SGCD: variants seen among roughly 807,000 people sequenced by gnomAD.
SGCD encodes the protein sarcoglycan delta.
SGCD carries 18 observed loss-of-function variants against 36.6 expected under a neutral mutation model. That is an observed-to-expected ratio of 0.49 (90% CI 0.34 to 0.73). SGCD has a LOEUF of 0.73. Ranked by LOEUF, SGCD falls within the 30% of genes least tolerant of loss-of-function variation. The probability of loss-of-function intolerance (pLI) is 0.01; values close to 1 mark genes in which losing one functional copy is unlikely to be tolerated. For missense variants in SGCD, 387 were observed against 346.7 expected, an observed-to-expected ratio of 1.12 and a Z score of -0.92; for synonymous variants, 133 against 130.6, an observed-to-expected ratio of 1.02 and a Z score of -0.12.
chr5:156,599,340 G>A (rs1196756654), intron 6 of SGCD, among the ~76,000 whole-genome samples: 1 of 151,688 alleles, frequency 6.6e-6, no homozygotes, highest in Non-Finnish European at 1.5e-5. Context: ...ATTCAAGTAT[G>A]TTTTCTCTCT....
intron 6 of SGCD, among the ~76,000 whole-genome samples, chr5:156,637,690 A>C (rs767255120): frequency 4.6e-5 from 7 of 151,982 alleles, no homozygotes; most frequent in Non-Finnish European, 4.4e-5. Context: ...TTTCTTGGCC[A>C]GGGGAAAGGG....
chr5:155,945,394 A>G (rs1419796081), intron 1 of SGCD, among the ~76,000 whole-genome samples: 1 of 152,200 alleles, frequency 6.6e-6, no homozygotes, highest in Non-Finnish European at 1.5e-5. Flanking sequence ...GTTACTGGGA[A>G]AACAGTGGTA....
intron 1 of SGCD, among the ~76,000 whole-genome samples, chr5:156,003,920 C>T (rs1332945314): frequency 2.0e-5 from 3 of 152,146 alleles, no homozygotes; most frequent in Non-Finnish European, 2.9e-5. Flanking sequence ...CAGATCAAAG[C>T]ATCAGGGCTC....
chr5:156,656,159 T>C (rs1474390743), intron 7 of SGCD, among the ~76,000 whole-genome samples: 3 of 152,176 alleles, frequency 2.0e-5, no homozygotes, highest in Non-Finnish European at 4.4e-5. Flanking sequence ...GAATTCTTCA[T>C]GTTCACAGTC....
At chr5:156,060,694 G>T (rs961545601) in intron 1 of SGCD, among the ~76,000 whole-genome samples, 2 of 145,816 alleles carry the variant, frequency 1.4e-5, no homozygotes, top group Non-Finnish European at 3.1e-5. Flanking sequence ...AATTTGGGTG[G>T]ATTCAAGTTT....
In SGCD at chr5:156,525,430, T is replaced by G. The variant is rs141399502; in HGVS notation, c.294+16728T>G. On this transcript the variant is annotated intron_variant, in intron 4 of 8. Transcript: ENST00000337851. Reference sequence around the variant, plus strand: ...GTTTTAAATTTGGGTTATTTAGTTTTATGCTCTTGAGTTGCATGAGTTCTT... The same window carrying G: ...GTTTTAAATTTGGGTTATTTAGTTTGATGCTCTTGAGTTGCATGAGTTCTT... Among the ~76,000 whole-genome samples, 37 of 152,278 alleles carry G rather than the reference T, an allele frequency of 2.4e-4. No individual in the cohort carries two copies. The East Asian group carries it at 6.9e-3, about 29-fold the overall frequency.
At chr5:156,630,496 T>A (rs1458878978) in intron 6 of SGCD, among the ~76,000 whole-genome samples, 3 of 152,252 alleles carry the variant, frequency 2.0e-5, no homozygotes, top group Non-Finnish European at 4.4e-5. Flanking sequence ...CTAAGTGCTT[T>A]GCCTGTAATA....
chr5:156,040,759 T>A (rs1759614235), intron 1 of SGCD, among the ~76,000 whole-genome samples: 2 of 152,168 alleles, frequency 1.3e-5, no homozygotes, highest in Admixed American at 1.3e-4. Flanking sequence ...ACATTTTTCA[T>A]TATCTCTTAT....
the SGCD span, among the ~76,000 whole-genome samples, chr5:155,768,473 A>T: frequency 6.6e-6 from 1 of 152,124 alleles, no homozygotes; most frequent in East Asian, 1.9e-4. Context: ...CTGACTGGGA[A>T]ATGCGTAAAT....
At chr5:156,476,981 A>C (rs531815757) in intron 3 of SGCD, among the ~76,000 whole-genome samples, 1 of 151,948 alleles carries the variant, frequency 6.6e-6, no homozygotes, top group Non-Finnish European at 1.5e-5. Flanking sequence ...GGAACTCACA[A>C]TATCCTTGAA....
intron 4 of SGCD, among the ~76,000 whole-genome samples, chr5:156,570,134 C>T (rs1041230990): frequency 3.3e-5 from 5 of 152,054 alleles, no homozygotes; most frequent in Non-Finnish European, 7.4e-5. Context: ...TTTACATTTC[C>T]AAGATATGTT....
chr5:156,653,713 A>AT (rs1561839728), intron 7 of SGCD, among the ~76,000 whole-genome samples: 1 of 151,916 alleles, frequency 6.6e-6, no homozygotes, highest in African/African-American at 2.4e-5. Context: ...ATGGTGCCAC[A>AT]TATTACTCCA....
intron 1 of SGCD, among the ~76,000 whole-genome samples, chr5:155,933,479 C>A (rs1030388474): frequency 2.6e-5 from 4 of 152,162 alleles, no homozygotes; most frequent in Non-Finnish European, 4.4e-5. Flanking sequence ...TCTTTCTTCA[C>A]CATTTCTACA....
Position 156,406,819 on chromosome 5 carries a change from TACACACAC to T in SGCD, c.192+62158_192+62165del, listed in dbSNP as rs58920671. ...ATATATATATATATATATATATATA[TACACACAC>T]ACACACACACACACATATATATGTG... On this transcript the variant is annotated intron_variant, in intron 3 of 8. Coordinates refer to ENST00000337851, the MANE Select transcript of SGCD (RefSeq NM_000337.6). Among the ~76,000 whole-genome samples, 256 of 103,696 alleles carry T rather than the reference TACACACAC, an allele frequency of 2.5e-3. 5 individuals are homozygous for T. Among genetic ancestry groups the T allele is most frequent in the East Asian group, 0.01 (29 of 2,856 alleles). The allele number at this position is 103,696 out of a possible 152,430, so 68.0% of individuals were successfully genotyped here.
Position 156,237,014 on chromosome 5 carries a change from T to C in SGCD, c.-43-92520T>C, listed in dbSNP as rs1312066833. Among the ~76,000 whole-genome samples the C allele has an allele frequency of 2.0e-5, 3 of 151,622 alleles. No homozygotes were observed. The East Asian group carries it at 5.9e-4, about 30-fold the overall frequency. On this transcript the variant is annotated intron_variant, in intron 3 of 9. Transcript: ENST00000517913. ...ATGCCGGACTAACTTTTTGTACTTT[T>C]AATAGAGATGGAGTTTCACCATGTT...
At chr5:155,883,922 CA>C (rs1440061266) in intron 1 of SGCD, among the ~76,000 whole-genome samples, 13 of 151,534 alleles carry the variant, frequency 8.6e-5, no homozygotes, top group Non-Finnish European at 1.9e-4. Flanking sequence ...CAAAATCCTA[CA>C]GGGTAGTTAT....
At chr5:156,135,509 A>G (rs1762435928) in intron 3 of SGCD, among the ~76,000 whole-genome samples, 1 of 152,160 alleles carries the variant, frequency 6.6e-6, no homozygotes, top group South Asian at 2.1e-4. Context: ...ATCACTCCAG[A>G]CAGTACTTGA....
chr5:156,474,611 G>T (rs1755104880), intron 3 of SGCD, among the ~76,000 whole-genome samples: 1 of 152,210 alleles, frequency 6.6e-6, no homozygotes, highest in African/African-American at 2.4e-5. Flanking sequence ...AGCCAGCTGG[G>T]TTTGAAAGGA....
intron 4 of SGCD, among the ~76,000 whole-genome samples, chr5:156,525,555 T>C (rs1344487767): frequency 6.6e-6 from 1 of 151,818 alleles, no homozygotes; most frequent in East Asian, 1.9e-4. Context: ...TTTTTTTTTA[T>C]TGTATGGAAA....
Sources: gnomAD v4.1 joint callset for allele counts (sites outside exome capture counted in the v4.1 genomes callset) on GRCh38, gnomAD v4.1.1 for gene constraint, MANE v1.5 for transcripts, NCBI Gene and HGNC (gene_info 2026-07-23, HGNC 2026-07-21) for gene names.